Variants in SLC35A1 observed in about 807,000 individuals in gnomAD.
The protein encoded by SLC35A1 is solute carrier family 35 member A1, also known as CMP-sialic acid transporter.
Under a neutral mutation model 40.3 loss-of-function variants are expected in SLC35A1, and 21 were observed. The ratio of observed to expected loss-of-function variants is 0.52; its 90% CI spans 0.37 to 0.75. The LOEUF (loss-of-function observed/expected upper bound fraction) is 0.75. Among genes scored for constraint, SLC35A1 ranks in the 30% least tolerant of loss-of-function variants. The pLI, the probability that SLC35A1 is intolerant of heterozygous loss-of-function variation, is 0.00. For missense variants in SLC35A1, 297 were observed against 382.1 expected (o/e 0.78, Z 1.86); for synonymous variants, 146 against 147.3 (o/e 0.99, Z 0.06).
At chr6:87,508,352 C>T in intron 5 of SLC35A1, 68 bp from the exon 6 acceptor site, 2 of 1,071,798 alleles carry the variant, frequency 1.9e-6, no homozygotes, top group Non-Finnish European at 2.8e-6. Context: ...GGGTATTGTT[C>T]TAAATGAAAG....
At chr6:87,487,325 C>T (rs1769418173) in intron 2 of SLC35A1, among the ~76,000 whole-genome samples, 1 of 152,132 alleles carries the variant, frequency 6.6e-6, no homozygotes, top group Admixed American at 6.6e-5. Context: ...GATGACAGCA[C>T]AGGTCACGAA....
At chr6:87,484,914 A>T (rs2127966355) in intron 2 of SLC35A1, among the ~76,000 whole-genome samples, 1 of 152,362 alleles carries the variant, frequency 6.6e-6, no homozygotes, top group East Asian at 1.9e-4. Flanking sequence ...ATTAAGAGTG[A>T]TATGAACAGT....
chr6:87,488,741 G>C (rs1479143065), intron 2 of SLC35A1, among the ~76,000 whole-genome samples: 1 of 152,228 alleles, frequency 6.6e-6, no homozygotes, highest in East Asian at 1.9e-4. Flanking sequence ...CTGAAGTCTA[G>C]TCACACTCAC....
At chr6:87,506,803 C>G (rs914282209) in intron 5 of SLC35A1, 2 of 307,080 alleles carry the variant, frequency 6.5e-6, no homozygotes, top group African/African-American at 4.4e-5. Flanking sequence ...TCAGATCCTG[C>G]TGCTTTAGGT....
chr6:87,509,275 T>A, intron 7 of SLC35A1, 100 bp downstream of exon 7: 1 of 1,439,514 alleles, frequency 6.9e-7, no homozygotes, highest in South Asian at 1.1e-5. Flanking sequence ...TCATACTGTT[T>A]ACAGAAATTC....
chr6:87,475,199 T>G (rs576379003), intron 1 of SLC35A1, among the ~76,000 whole-genome samples: 5 of 152,354 alleles, frequency 3.3e-5, no homozygotes, highest in Non-Finnish European at 4.4e-5. Flanking sequence ...AAACTATTCA[T>G]GGACACTAGA....
chr6:87,479,701 T>C (rs1769194247), intron 2 of SLC35A1, among the ~76,000 whole-genome samples: 1 of 152,234 alleles, frequency 6.6e-6, no homozygotes, highest in Non-Finnish European at 1.5e-5. Context: ...CCCTAATTGC[T>C]CAGCTATTCC....
chr6:87,499,781 G>T (rs573001202), intron 2 of SLC35A1, among the ~76,000 whole-genome samples: 90 of 152,000 alleles, frequency 5.9e-4, no homozygotes, highest in Non-Finnish European at 1.1e-3. Context: ...AACTACCAAA[G>T]CCTTTTTATT....
intron 2 of SLC35A1, among the ~76,000 whole-genome samples, chr6:87,494,548 GA>G (rs1769660465): frequency 6.6e-6 from 1 of 151,202 alleles, no homozygotes; most frequent in African/African-American, 2.4e-5. Context: ...TCAGCCTCGC[GA>G]GGAGCTGGGA....
chr6:87,482,611 T>C (rs1769276129), intron 2 of SLC35A1, among the ~76,000 whole-genome samples: 2 of 152,208 alleles, frequency 1.3e-5, no homozygotes, highest in South Asian at 4.1e-4. Flanking sequence ...TGTGGCTTTT[T>C]CCCTCAGTCA....
Position 87,473,032 on chromosome 6 carries a change from T to C in SLC35A1, c.16+13T>C, listed in dbSNP as rs1275512521. ...GCTGCCCCGAGAGGTGAGAACTGGGTCTGCTGGGAGTGGGGAGTCCGCGGG... is the reference window on the plus strand; with the variant it reads ...GCTGCCCCGAGAGGTGAGAACTGGGCCTGCTGGGAGTGGGGAGTCCGCGGG... On this transcript the variant is annotated intron_variant, in intron 1 of 7. Transcript: ENST00000369552. 4.8e-6 allele frequency: 3 copies of C among 624,154 alleles called. No individual in the cohort carries two copies. Among genetic ancestry groups the C allele is most frequent in the Non-Finnish European group, 7.5e-6 (3 of 400,834 alleles). 38.7% of individuals were successfully genotyped at this position (624,154 alleles called of 1,614,324 possible).
chr6:87,507,016 T>C (rs1770102976), intron 5 of SLC35A1: 1 of 155,572 alleles, frequency 6.4e-6, no homozygotes, highest in African/African-American at 2.4e-5. Context: ...AGTCTGGCGT[T>C]GTATGTGTAG....
chr6:87,479,065 G>T (rs865966832), intron 2 of SLC35A1, among the ~76,000 whole-genome samples: 1 of 152,214 alleles, frequency 6.6e-6, no homozygotes, highest in Admixed American at 6.5e-5. Context: ...ATGAGTCAGG[G>T]TGGAGAGGGT....
At chr6:87,481,617 T>TA (rs1769247197) in intron 2 of SLC35A1, among the ~76,000 whole-genome samples, 1 of 152,192 alleles carries the variant, frequency 6.6e-6, no homozygotes, top group African/African-American at 2.4e-5. Flanking sequence ...CACCTTTATA[T>TA]TAGTGTATTA....
intron 7 of SLC35A1, 89 bp from the exon 8 acceptor site, chr6:87,511,310 A>C: frequency 2.2e-6 from 3 of 1,392,966 alleles, no homozygotes; most frequent in Non-Finnish European, 3.0e-6. Context: ...GTGTAAACCC[A>C]CAATTAAGAG....
intron 2 of SLC35A1, among the ~76,000 whole-genome samples, chr6:87,479,788 T>C (rs1459901964): frequency 2.0e-5 from 3 of 152,182 alleles, no homozygotes; most frequent in Non-Finnish European, 2.9e-5. Flanking sequence ...TATGTTTTTA[T>C]TAATTGTGAC....
intron 7 of SLC35A1, among the ~76,000 whole-genome samples, chr6:87,510,295 T>C (rs1770224190): frequency 6.6e-6 from 1 of 152,214 alleles, no homozygotes; most frequent in Non-Finnish European, 1.5e-5. Context: ...AATTCTGATC[T>C]ATCTTTATGT....
chr6:87,493,826 G>A (rs1205241778), intron 2 of SLC35A1, among the ~76,000 whole-genome samples: 2 of 141,894 alleles, frequency 1.4e-5, no homozygotes, highest in East Asian at 2.0e-4. Flanking sequence ...GTTGTTTTTG[G>A]CTTCTGTTTG....
chr6:87,499,198 T>C, intron 2 of SLC35A1: 1 of 799,308 alleles, frequency 1.3e-6, no homozygotes, highest in Non-Finnish European at 1.5e-6. Flanking sequence ...GACTTTTGCT[T>C]TCTCTCAGAA....
Sources: gnomAD v4.1 joint callset for allele counts (sites outside exome capture counted in the v4.1 genomes callset) on GRCh38, gnomAD v4.1.1 for gene constraint, MANE v1.5 for transcripts, NCBI Gene and HGNC (gene_info 2026-07-23, HGNC 2026-07-21) for gene names.